Variants in ZDHHC11B observed in about 807,000 individuals in gnomAD.
ZDHHC11B encodes zDHHC palmitoyltransferase 11B (putative), also known as probable palmitoyltransferase ZDHHC11B.
In ZDHHC11B, 17 loss-of-function variants were observed where a neutral mutation model predicts 42.3. That is an observed-to-expected ratio of 0.40 (90% confidence interval 0.27 to 0.60). ZDHHC11B has a LOEUF of 0.60. ZDHHC11B is among the 20% of genes least tolerant of loss of function. The probability of loss-of-function intolerance (pLI) is 0.41; values close to 1 mark genes in which losing one functional copy is unlikely to be tolerated. For missense variants in ZDHHC11B, 262 were observed against 463.2 expected (o/e 0.57, Z 3.99); for synonymous variants, 123 against 193.5 (o/e 0.64, Z 3.02).
chr5:723,200 T>C (rs1328460191), intron 12 of ZDHHC11B, among the ~76,000 whole-genome samples: 1 of 148,320 alleles, frequency 6.7e-6, no homozygotes, highest in Non-Finnish European at 1.5e-5. Flanking sequence ...AGATCAAGGA[T>C]GAATCTGTTC....
intron 4 of ZDHHC11B, 44 bp downstream of exon 4, chr5:766,654 C>T (rs1352762414): frequency 1.3e-6 from 2 of 1,556,188 alleles, no homozygotes; most frequent in African/African-American, 2.7e-5. Context: ...CAGGGTCCTC[C>T]AGGAACCCCT....
intron 1 of ZDHHC11B, among the ~76,000 whole-genome samples, chr5:771,583 G>A (rs1323896426): frequency 6.6e-6 from 1 of 151,740 alleles, no homozygotes; most frequent in Non-Finnish European, 1.5e-5. Context: ...GCCAGGAACC[G>A]TTTCCAGTTT....
chr5:724,839 G>C (rs1211155451), intron 12 of ZDHHC11B, among the ~76,000 whole-genome samples: 1 of 147,770 alleles, frequency 6.8e-6, no homozygotes, highest in Non-Finnish European at 1.5e-5. Context: ...ACCTGGAAGC[G>C]ACCAGGGCTA....
At chr5:752,085 T>A (rs1280914575) in intron 6 of ZDHHC11B, among the ~76,000 whole-genome samples, 2 of 124,580 alleles carry the variant, frequency 1.6e-5, no homozygotes, top group Admixed American at 9.4e-5. Context: ...CTGGGTCCCC[T>A]CAGGGGGCCC....
chr5:759,986 G>A (rs1462915417), intron 4 of ZDHHC11B, among the ~76,000 whole-genome samples: 6 of 151,900 alleles, frequency 3.9e-5, no homozygotes, highest in Non-Finnish European at 5.9e-5. Context: ...TGAGCCCAGC[G>A]CCGGCCAGCG....
At chr5:784,552 G>A (rs1481065175) in intron 1 of ZDHHC11B, among the ~76,000 whole-genome samples, 116 bp downstream of exon 1, 1 of 152,234 alleles carries the variant, frequency 6.6e-6, no homozygotes, top group Non-Finnish European at 1.5e-5. Context: ...GTGGCTCGGG[G>A]GAGCGCGGGG....
At chr5:752,015 C>T (rs1431881239) in intron 6 of ZDHHC11B, among the ~76,000 whole-genome samples, 2 of 123,072 alleles carry the variant, frequency 1.6e-5, no homozygotes, top group African/African-American at 5.2e-5. Flanking sequence ...GGCCTCTGCC[C>T]GCACCTCCCG....
intron 12 of ZDHHC11B, 110 bp downstream of exon 12, chr5:730,324 G>A: frequency 2.3e-6 from 3 of 1,314,558 alleles, no homozygotes; most frequent in South Asian, 1.5e-5. Flanking sequence ...TTTCCCTTAT[G>A]TCATCAGAAT....
intron 3 of ZDHHC11B, 154 bp downstream of exon 3, chr5:767,238 G>C: frequency 8.2e-6 from 8 of 971,584 alleles, no homozygotes; most frequent in Non-Finnish European, 1.2e-5. Flanking sequence ...AGACCTGGGT[G>C]GATGACTGAA....
chr5:759,039 T>C (rs1429406515), intron 4 of ZDHHC11B, among the ~76,000 whole-genome samples: 2 of 151,898 alleles, frequency 1.3e-5, no homozygotes, highest in Non-Finnish European at 2.9e-5. Context: ...GCTTCTACTT[T>C]CACGTTTAAT....
intron 1 of ZDHHC11B, among the ~76,000 whole-genome samples, chr5:777,517 C>G (rs780738445): frequency 1.3e-5 from 2 of 152,000 alleles, no homozygotes; most frequent in South Asian, 4.2e-4. Context: ...AAAGAACAAA[C>G]TTTCCACAGC....
chr5:776,765 G>A (rs1736531340), intron 1 of ZDHHC11B, among the ~76,000 whole-genome samples: 1 of 151,972 alleles, frequency 6.6e-6, no homozygotes, highest in Non-Finnish European at 1.5e-5. Flanking sequence ...CCGAGGAGGT[G>A]CTTCCCCATT....
intron 10 of ZDHHC11B, among the ~76,000 whole-genome samples, chr5:741,185 T>C (rs1381133754): frequency 8.1e-6 from 1 of 123,984 alleles, no homozygotes; most frequent in African/African-American, 2.8e-5. Flanking sequence ...AGTGCTCCCA[T>C]TTACTTAGCA....
intron 3 of ZDHHC11B, 69 bp downstream of exon 3, chr5:767,323 T>C (rs1478144983): frequency 1.3e-6 from 2 of 1,516,926 alleles, no homozygotes; most frequent in African/African-American, 2.8e-5. Context: ...CATGTGGGGC[T>C]CCGGGTCCCA....
At chr5:777,784 C>T (rs11740106) in intron 1 of ZDHHC11B, among the ~76,000 whole-genome samples, 58,630 of 149,160 alleles carry the variant, frequency 0.39, 11,191 homozygotes, top group Non-Finnish European at 0.52. Flanking sequence ...TCCTGAGCCC[C>T]GCAGCAGGCG....
chr5:777,553 G>T (rs6896295), intron 1 of ZDHHC11B, among the ~76,000 whole-genome samples: 1 of 151,606 alleles, frequency 6.6e-6, no homozygotes, highest in South Asian at 2.1e-4. Context: ...GTCAGGTTGC[G>T]GCAGGGCGTT....
Position 750,371 on chromosome 5 carries a change from C to T in ZDHHC11B, c.628+762G>A, listed in dbSNP as rs1453945765. ...CCACCTCTGCGAGCTCCTGTGGCTC[C>T]GGGCGACCCCGGGCTGTGGCTGTGT... On this transcript the variant is annotated intron_variant, in intron 7 of 13. Coordinates refer to ENST00000508859, the MANE Select transcript of ZDHHC11B (RefSeq NM_001351303.2). Among the ~76,000 whole-genome samples the T allele has an allele frequency of 2.2e-5, 3 of 136,266 alleles. 1 individual carries two copies. The highest frequency in any genetic ancestry group is 2.4e-4 in the South Asian group (1 of 4,102). The allele number at this position is 136,266 out of a possible 152,430, so 89.4% of individuals were successfully genotyped here.
At chr5:754,243 G>A (rs7734311) in intron 6 of ZDHHC11B, among the ~76,000 whole-genome samples, 4,883 of 40,128 alleles carry the variant, frequency 0.12, 8 homozygotes, top group East Asian at 0.25. Context: ...AGCCTCCACC[G>A]TGCTCAGGGG....
chr5:773,562 G>A (rs1736227668), intron 1 of ZDHHC11B, among the ~76,000 whole-genome samples: 1 of 151,810 alleles, frequency 6.6e-6, no homozygotes, highest in African/African-American at 2.4e-5. Context: ...CATCTCAGCT[G>A]TGCCCTGTAC....
Sources: gnomAD v4.1 joint callset for allele counts (sites outside exome capture counted in the v4.1 genomes callset) on GRCh38, gnomAD v4.1.1 for gene constraint, MANE v1.5 for transcripts, NCBI Gene and HGNC (gene_info 2026-07-23, HGNC 2026-07-21) for gene names.